Variants in STPG2 observed in about 807,000 individuals in gnomAD.
STPG2 encodes sperm-tail PG-rich repeat-containing protein 2.
In STPG2, 56 loss-of-function variants were observed where a neutral mutation model predicts 54.2. That is an observed-to-expected ratio of 1.03 (90% CI 0.83 to 1.29). The LOEUF (loss-of-function observed/expected upper bound fraction) is 1.29, where lower values mean the gene tolerates loss of function less well. Ranked by LOEUF, STPG2 falls within the 50% of genes most tolerant of loss-of-function variation. STPG2 has a pLI of 0.00. For missense variants in STPG2, 596 were observed against 544.9 expected, an observed-to-expected ratio of 1.09 and a Z score of -0.93; for synonymous variants, 200 against 181.8, an observed-to-expected ratio of 1.10 and a Z score of -0.81.
intron 5 of STPG2, among the ~76,000 whole-genome samples, chr4:97,996,784 A>C (rs552033579): frequency 1.3e-5 from 2 of 152,302 alleles, no homozygotes; most frequent in Admixed American, 6.5e-5. Context: ...GGCAATGAAC[A>C]GACATTTTGC....
At chr4:97,692,700 T>G (rs1371066409) in intron 10 of STPG2, among the ~76,000 whole-genome samples, 1 of 152,164 alleles carries the variant, frequency 6.6e-6, no homozygotes, top group Non-Finnish European at 1.5e-5. Flanking sequence ...AAAGAACATC[T>G]AGGAAATGTA....
intron 4 of STPG2, among the ~76,000 whole-genome samples, chr4:97,537,482 C>T (rs941891433): frequency 1.2e-4 from 18 of 152,186 alleles, no homozygotes; most frequent in Admixed American, 1.2e-3. Flanking sequence ...TGCAAGGCAG[C>T]AGCAAGGCTG....
chr4:97,736,720 G>T (rs1321012432), intron 9 of STPG2, among the ~76,000 whole-genome samples: 1 of 152,204 alleles, frequency 6.6e-6, no homozygotes, highest in East Asian at 1.9e-4. Flanking sequence ...CTCGAACTGG[G>T]TGGAGCCCAC....
intron 8 of STPG2, among the ~76,000 whole-genome samples, chr4:97,942,799 T>A (rs577857307): frequency 6.6e-6 from 1 of 152,320 alleles, no homozygotes; most frequent in Admixed American, 6.5e-5. Context: ...CAAGTTATAC[T>A]CTGTTTTCAT....
At chr4:97,962,424 A>G (rs1733924736) in intron 7 of STPG2, among the ~76,000 whole-genome samples, 1 of 152,230 alleles carries the variant, frequency 6.6e-6, no homozygotes, top group South Asian at 2.1e-4. Context: ...TAATACGTAT[A>G]CACACAAACA....
At chr4:97,567,209 C>T (rs901775755) in intron 10 of STPG2, among the ~76,000 whole-genome samples, 9 of 128,076 alleles carry the variant, frequency 7.0e-5, no homozygotes, top group South Asian at 2.4e-4. Context: ...CACACACACA[C>T]ATACACACAC....
At chr4:97,976,804 T>C (rs2149260358) in intron 6 of STPG2, among the ~76,000 whole-genome samples, 1 of 152,272 alleles carries the variant, frequency 6.6e-6, no homozygotes, top group African/African-American at 2.4e-5. Context: ...CCTTTATAAA[T>C]AAACTAACTT....
At chr4:97,798,227 T>C (rs1463696686) in intron 9 of STPG2, among the ~76,000 whole-genome samples, 1 of 152,188 alleles carries the variant, frequency 6.6e-6, no homozygotes, top group Non-Finnish European at 1.5e-5. Context: ...TCTGCTAGCT[T>C]TTGAATGTGT....
At chr4:97,884,913 C>A (rs536010019) in intron 8 of STPG2, among the ~76,000 whole-genome samples, 11 of 151,956 alleles carry the variant, frequency 7.2e-5, no homozygotes, top group Admixed American at 3.3e-4. Flanking sequence ...CCAAAAAAAA[C>A]CAGACTGTTA....
intron 3 of STPG2, among the ~76,000 whole-genome samples, chr4:98,118,231 T>C (rs1739576727): frequency 6.6e-6 from 1 of 152,136 alleles, no homozygotes. Context: ...TCTGTACATG[T>C]GTTGAGGCAT....
chr4:97,874,212 AG>A (rs952486101), intron 8 of STPG2, among the ~76,000 whole-genome samples: 2 of 151,704 alleles, frequency 1.3e-5, no homozygotes, highest in African/African-American at 4.8e-5. Context: ...CTGGAAACTT[AG>A]GGAATCCATT....
chr4:97,901,610 T>G (rs1731180139), intron 8 of STPG2, among the ~76,000 whole-genome samples: 1 of 151,800 alleles, frequency 6.6e-6, no homozygotes, highest in African/African-American at 2.4e-5. Flanking sequence ...AGGAATAAAT[T>G]TAACCAAGAG....
intron 10 of STPG2, among the ~76,000 whole-genome samples, chr4:97,596,144 AAACT>A (rs1460422026): frequency 6.6e-6 from 1 of 152,202 alleles, no homozygotes; most frequent in South Asian, 2.1e-4. Flanking sequence ...AACAGACTTC[AAACT>A]AACAAAGATA....
At chr4:97,648,065 A>C (rs1427014126) in intron 10 of STPG2, among the ~76,000 whole-genome samples, 5 of 152,178 alleles carry the variant, frequency 3.3e-5, no homozygotes, top group Admixed American at 3.3e-4. Context: ...CTCCCCACTT[A>C]AGATAGGCAT....
intron 10 of STPG2, among the ~76,000 whole-genome samples, chr4:97,567,212 A>ACT (rs1732476368): frequency 9.8e-6 from 1 of 102,190 alleles, no homozygotes; most frequent in East Asian, 2.8e-4. Flanking sequence ...ACACACACAT[A>ACT]CACACACACA....
chr4:97,487,596 T>TA (rs1730400447), intron 4 of STPG2, among the ~76,000 whole-genome samples: 1 of 151,558 alleles, frequency 6.6e-6, no homozygotes, highest in African/African-American at 2.4e-5. Flanking sequence ...CATGGTTTCT[T>TA]AAAATCAGAA....
At chr4:97,933,295 T>G (rs1473168855) in intron 8 of STPG2, among the ~76,000 whole-genome samples, 1 of 152,200 alleles carries the variant, frequency 6.6e-6, no homozygotes, top group Non-Finnish European at 1.5e-5. Context: ...CAAAAAAATT[T>G]TCTCCCACTC....
rs554162430 is a variant in STPG2, at chr4:97,477,391, A to G, written c.462+235308T>C. Among the ~76,000 whole-genome samples the G allele has an allele frequency of 2.6e-5, 4 of 152,244 alleles. No homozygotes were observed. The South Asian group carries it at 8.3e-4, about 32-fold the overall frequency. On this transcript the variant is annotated intron_variant, in intron 4 of 4. Coordinates refer to the STPG2 transcript ENST00000522676. The stretch of plus-strand genomic sequence containing the variant: ...GATTTATTTGTCCTTATCCTCCTAG[A>G]AAAGTATGCAAAGAAAAATTTTATA...
At chr4:97,720,875 T>G (rs370250687) in intron 9 of STPG2, among the ~76,000 whole-genome samples, 1 of 151,832 alleles carries the variant, frequency 6.6e-6, no homozygotes, top group East Asian at 1.9e-4. Context: ...AATTCTAGAG[T>G]TAAATGCTAT....
Sources: allele counts gnomAD v4.1 joint callset (sites outside exome capture counted in the v4.1 genomes callset), GRCh38; gene constraint gnomAD v4.1.1; transcripts MANE v1.5; gene names NCBI Gene and HGNC (gene_info 2026-07-23, HGNC 2026-07-21).